Variants in PATJ observed in about 807,000 individuals in gnomAD.
The protein encoded by PATJ is PATJ crumbs cell polarity complex component, also known as inaD-like protein.
Under a neutral mutation model 224.9 loss-of-function variants are expected in PATJ, and 190 were observed. The ratio of observed to expected loss-of-function variants is 0.84; its 90% CI spans 0.75 to 0.95. PATJ has a LOEUF of 0.95. PATJ is among the 40% of genes least tolerant of loss of function. The pLI is 0.00. For synonymous variants in PATJ, 769 were observed against 820.3 expected, an observed-to-expected ratio of 0.94 and a Z score of 1.07; for missense variants, 2,121 against 2,270.3, an observed-to-expected ratio of 0.93 and a Z score of 1.34.
chr1:61,939,590 T>C (rs573680474), intron 27 of PATJ, among the ~76,000 whole-genome samples: 1 of 151,324 alleles, frequency 6.6e-6, no homozygotes, highest in African/African-American at 2.4e-5. Context: ...AAAACAGGAG[T>C]TGTTATATAC....
chr1:61,859,629 G>A (rs555446548), intron 18 of PATJ, among the ~76,000 whole-genome samples: 1 of 150,774 alleles, frequency 6.6e-6, no homozygotes. Context: ...TTTTGTTGTT[G>A]TTTTTTGAGA....
chr1:62,139,399 CAAAAAAAAAAAAAAAA>C (rs4019658), intron 41 of PATJ, among the ~76,000 whole-genome samples: 5 of 94,884 alleles, frequency 5.3e-5, no homozygotes, highest in East Asian at 6.7e-4. Context: ...GACTCCATCT[CAAAAAAAAAAAAAAAA>C]AAAAAAAAAA....
At position 61,748,470 on chromosome 1, in the gene PATJ, G is replaced by T. The variant is rs535251467; in HGVS notation, c.-36+5915G>T. Among the ~76,000 whole-genome samples, 49 of 150,094 alleles carry T rather than the reference G, an allele frequency of 3.3e-4. No individual in the cohort carries two copies. In the East Asian group the frequency reaches 6.9e-3, roughly 21 times the overall value. ...GGGGTTTCACCATGTTGGCCAGGCT[G>T]GTCTCGAACTCCTGACCTCAAGTGA... is the stretch of plus-strand genomic sequence containing the variant. On this transcript the variant is annotated intron_variant, in intron 1 of 43. Coordinates refer to ENST00000642238, the MANE Select transcript of PATJ (RefSeq NM_001350145.3).
intron 26 of PATJ, among the ~76,000 whole-genome samples, chr1:61,924,600 T>C (rs774364941): frequency 3.9e-5 from 6 of 152,342 alleles, no homozygotes; most frequent in Admixed American, 3.3e-4. Flanking sequence ...AGTATAACTT[T>C]AGTCAACTAT....
At chr1:62,051,136 AC>A (rs1653538242) in intron 31 of PATJ, 78 bp downstream of exon 31, 1 of 1,048,404 alleles carries the variant, frequency 9.5e-7, no homozygotes, top group South Asian at 1.4e-5. Flanking sequence ...CTTGGAAAGA[AC>A]CACCTATCAT....
chr1:62,102,367 T>A (rs1051688357), intron 33 of PATJ, among the ~76,000 whole-genome samples: 2 of 152,178 alleles, frequency 1.3e-5, no homozygotes, highest in Non-Finnish European at 2.9e-5. Context: ...TGATCCTCAG[T>A]TCTGTGCCGT....
At chr1:62,048,112 AT>A (rs1652877734) in intron 30 of PATJ, among the ~76,000 whole-genome samples, 1 of 152,250 alleles carries the variant, frequency 6.6e-6, no homozygotes, top group Non-Finnish European at 1.5e-5. Context: ...ATGTATCATT[AT>A]CCTCATTTAT....
At chr1:62,146,362 G>C (rs1456626720) in intron 41 of PATJ, among the ~76,000 whole-genome samples, 1 of 152,208 alleles carries the variant, frequency 6.6e-6, no homozygotes, top group East Asian at 1.9e-4. Context: ...CCTTTGGACA[G>C]TTTTAAGCAA....
intron 30 of PATJ, among the ~76,000 whole-genome samples, chr1:62,040,315 G>A (rs554892080): frequency 6.6e-6 from 1 of 151,864 alleles, no homozygotes; most frequent in Non-Finnish European, 1.5e-5. Flanking sequence ...CACCATGTTG[G>A]CCAGGCTGGT....
chr1:61,814,547 T>TGTGTGCGCGCGCGC (rs370488022), intron 14 of PATJ, among the ~76,000 whole-genome samples: 43 of 142,562 alleles, frequency 3.0e-4, no homozygotes, highest in African/African-American at 1.1e-3. Flanking sequence ...TGTGTGTGTG[T>TGTGTGCGCGCGCGC]GCGCGCGCGC....
rs80107303 is a variant in PATJ, at chr1:62,053,208, T to C, written c.4125+2150T>C. Among the ~76,000 whole-genome samples the C allele has an allele frequency of 2.7e-4, 41 of 152,330 alleles. No individual in the cohort carries two copies. The East Asian group carries it at 5.8e-3, about 22-fold the overall frequency. ...TTTTAGATAATGTTTCATACTGCAC[T>C]TCACCAACAATTGAAGGCTTTCCCA... On this transcript the variant is annotated intron_variant, in intron 31 of 43. Transcript: ENST00000642238.
At position 62,084,547 on chromosome 1, in the gene PATJ, G is replaced by A. The variant is rs139521421; in HGVS notation, c.4276G>A (p.Ala1426Thr). The A allele has an allele frequency of 9.4e-5, 151 of 1,612,828 alleles. No individual in the cohort carries two copies. Among genetic ancestry groups the A allele is most frequent in the Non-Finnish European group, 1.1e-4 (135 of 1,179,604 alleles). The part of the protein sequence containing the change: ...GFQAPLSVDP[A>T]TCPIVPGQEM... ...CCAGGCTCCTCTGTCAGTGGACCCCGCAACGTGTCCCATTGTCCCTGGACA... is the reference window on the plus strand; with the variant it reads ...CCAGGCTCCTCTGTCAGTGGACCCCACAACGTGTCCCATTGTCCCTGGACA... Residue 1426 changes from alanine to threonine, a missense_variant, in exon 33 of 44, where the codon GCA becomes ACA. Ala to Thr is a moderately conservative substitution (Grantham distance 58). Transcript: ENST00000642238.
At chr1:61,993,092 A>T (rs1222946902) in intron 28 of PATJ, among the ~76,000 whole-genome samples, 1 of 152,134 alleles carries the variant, frequency 6.6e-6, no homozygotes, top group Non-Finnish European at 1.5e-5. Flanking sequence ...GTCTCCCACC[A>T]CTTTAGAGGC....
chr1:61,775,928 AAG>A (rs879473646), intron 7 of PATJ, among the ~76,000 whole-genome samples: 1 of 152,256 alleles, frequency 6.6e-6, no homozygotes, highest in Non-Finnish European at 1.5e-5. Flanking sequence ...ACGTAATAAT[AAG>A]CCCATATCAT....
intron 27 of PATJ, among the ~76,000 whole-genome samples, chr1:61,985,110 A>G (rs11207887): frequency 0.3 from 45,229 of 151,886 alleles, 7,356 homozygotes; most frequent in East Asian, 0.45. Flanking sequence ...TCAAGAGATC[A>G]AGACCATCTT....
intron 26 of PATJ, among the ~76,000 whole-genome samples, chr1:61,919,073 T>G (rs955850604): frequency 5.3e-5 from 8 of 152,314 alleles, no homozygotes; most frequent in Non-Finnish European, 7.4e-5. Flanking sequence ...ATCTTGAAAG[T>G]AATTTTTCAT....
chr1:62,121,087 G>T lies in PATJ; in HGVS notation c.4891-94G>T, dbSNP rs150216405. 1.2e-3 allele frequency: 911 copies of T among 763,306 alleles called. 2 individuals carry two copies. In the African/African-American group the frequency reaches 0.015, roughly 12 times the overall value. 47.3% of individuals were successfully genotyped at this position (763,306 alleles called of 1,614,324 possible). A position where few individuals can be genotyped will look rare whatever the true frequency, so the allele number is the denominator to read the frequency against. ...CACGATTTTCTGTTAGATGGTTATG[G>T]TGACATCAGTAATTGGCACACTAAT... On this transcript the variant is annotated intron_variant, in intron 37 of 43. Transcript: ENST00000642238.
intron 27 of PATJ, among the ~76,000 whole-genome samples, chr1:61,986,595 A>G (rs1644770335): frequency 6.6e-6 from 1 of 151,888 alleles, no homozygotes; most frequent in Non-Finnish European, 1.5e-5. Context: ...AACTTTTTAA[A>G]TTTTTTGTAC....
At chr1:61,833,058 T>C (rs1371583471) in intron 16 of PATJ, among the ~76,000 whole-genome samples, 1 of 152,166 alleles carries the variant, frequency 6.6e-6, no homozygotes, top group African/African-American at 2.4e-5. Context: ...CAGATTTTCA[T>C]TATTTCAACT....
Sources: allele counts gnomAD v4.1 joint callset (sites outside exome capture counted in the v4.1 genomes callset), GRCh38; gene constraint gnomAD v4.1.1; transcripts MANE v1.5; gene names NCBI Gene and HGNC (gene_info 2026-07-23, HGNC 2026-07-21).